The following PPP2R2A variants were observed in gnomAD, a reference collection of about 807,000 sequenced individuals.
The protein encoded by PPP2R2A is serine/threonine-protein phosphatase 2A 55 kDa regulatory subunit B alpha isoform.
A neutral mutation model predicts 53.2 loss-of-function variants in PPP2R2A; 9 were observed. The observed-to-expected ratio is 0.17, with a 90% CI of 0.10 to 0.30. PPP2R2A has a LOEUF of 0.30. Ranked by LOEUF, PPP2R2A falls within the 10% of genes least tolerant of loss-of-function variation. The pLI is 1.00. For missense variants in PPP2R2A, 235 were observed against 534.6 expected, an observed-to-expected ratio of 0.44 and a Z score of 5.53; for synonymous variants, 169 against 174.2, an observed-to-expected ratio of 0.97 and a Z score of 0.23.
At chr8:26,369,660 G>A (rs1805569540) in intron 9 of PPP2R2A, among the ~76,000 whole-genome samples, 1 of 152,194 alleles carries the variant, frequency 6.6e-6, no homozygotes, top group Non-Finnish European at 1.5e-5. Context: ...CCAAAGTGCT[G>A]GGATTACAGG....
At chr8:26,305,927 A>G (rs1801994209) in intron 2 of PPP2R2A, among the ~76,000 whole-genome samples, 1 of 152,168 alleles carries the variant, frequency 6.6e-6, no homozygotes, top group Non-Finnish European at 1.5e-5. Flanking sequence ...CTGCTTTCAA[A>G]TGGTCGTGAG....
intron 9 of PPP2R2A, among the ~76,000 whole-genome samples, chr8:26,366,626 G>A (rs1056674364): frequency 6.6e-6 from 1 of 152,070 alleles, no homozygotes; most frequent in African/African-American, 2.4e-5. Context: ...TAAATGTCTA[G>A]AATTTTTTTT....
chr8:26,314,775 C>G (rs1802457485), intron 2 of PPP2R2A, among the ~76,000 whole-genome samples: 1 of 151,844 alleles, frequency 6.6e-6, no homozygotes, highest in African/African-American at 2.4e-5. Context: ...TCATTGGACC[C>G]TTGCAGCTTG....
rs552941967 is a variant in PPP2R2A, at chr8:26,293,925, C to G, written c.82+185C>G. 7.4e-4 allele frequency: 438 copies of G among 588,884 alleles called. 3 individuals carry two copies. The South Asian group carries it at 9.4e-3, about 13-fold the overall frequency. 36.5% of individuals were successfully genotyped at this position (588,884 alleles called of 1,614,324 possible). A position where few individuals can be genotyped will look rare whatever the true frequency, so the allele number is the denominator to read the frequency against. Reference sequence around the variant, plus strand: ...CTTAAATTTCATTTGTTATTTACGCCTTGTTTTTATTATTTTTTCCTCTGA... The same window carrying G: ...CTTAAATTTCATTTGTTATTTACGCGTTGTTTTTATTATTTTTTCCTCTGA... On this transcript the variant is annotated intron_variant, in intron 2 of 9. Coordinates refer to ENST00000380737, the MANE Select transcript of PPP2R2A (RefSeq NM_002717.4).
At chr8:26,316,873 T>C (rs1802583742) in intron 2 of PPP2R2A, among the ~76,000 whole-genome samples, 1 of 152,200 alleles carries the variant, frequency 6.6e-6, no homozygotes, top group Non-Finnish European at 1.5e-5. Context: ...CATATTAGGT[T>C]TCAACATGTG....
At chr8:26,331,465 G>C (rs1803374188) in intron 2 of PPP2R2A, among the ~76,000 whole-genome samples, 1 of 151,918 alleles carries the variant, frequency 6.6e-6, no homozygotes, top group Non-Finnish European at 1.5e-5. Context: ...CATTTTTATT[G>C]GGTACTTTTT....
At position 26,292,568 on chromosome 8, in the gene PPP2R2A, TAGCAAGG is replaced by T. The variant is rs552024821; in HGVS notation, c.7+745_7+751del. 7.7e-4 allele frequency: 412 copies of T among 537,720 alleles called. 8 individuals are homozygous for T. The South Asian group carries it at 0.031, about 40-fold the overall frequency. 33.3% of individuals were successfully genotyped at this position (537,720 alleles called of 1,614,324 possible). On this transcript the variant is annotated intron_variant, in intron 1 of 9. Transcript: ENST00000380737. ...TAGTTGCGGAGTTCAGAGATATAAA[TAGCAAGG>T]AGGAGAGAGATTTAGGTAGAAGCTT...
At position 26,371,766 on chromosome 8, in the gene PPP2R2A, C is replaced by T. The variant is rs1200025319; in HGVS notation, c.*1353C>T. The T allele has an allele frequency of 6.6e-6, 1 of 152,120 alleles. No homozygotes were observed. The highest frequency in any genetic ancestry group is 1.5e-5 in the Non-Finnish European group (1 of 68,014). 9.4% of individuals were successfully genotyped at this position (152,120 alleles called of 1,614,324 possible). ...GCTTAATGAACTCCAACAGCTGCCT[C>T]AAATAAAAATCTGTATATGAATACA... On this transcript the variant is annotated 3_prime_UTR_variant, in exon 10 of 10. Coordinates refer to ENST00000380737, the MANE Select transcript of PPP2R2A (RefSeq NM_002717.4).
At chr8:26,307,701 T>G (rs1052932350) in intron 2 of PPP2R2A, among the ~76,000 whole-genome samples, 2 of 152,236 alleles carry the variant, frequency 1.3e-5, no homozygotes, top group African/African-American at 2.4e-5. Context: ...TCTGAGAAAT[T>G]TAAAAAATAA....
chr8:26,294,441 A>G (rs1327251768), intron 2 of PPP2R2A, among the ~76,000 whole-genome samples: 1 of 152,190 alleles, frequency 6.6e-6, no homozygotes, highest in African/African-American at 2.4e-5. Flanking sequence ...TTAAGTTTTG[A>G]AACTTCAAGG....
At chr8:26,316,932 A>G (rs992847054) in intron 2 of PPP2R2A, among the ~76,000 whole-genome samples, 1 of 152,248 alleles carries the variant, frequency 6.6e-6, no homozygotes. Flanking sequence ...AAAGTAGAAC[A>G]TAAGATTATA....
At chr8:26,300,218 T>G (rs1397658683) in intron 2 of PPP2R2A, among the ~76,000 whole-genome samples, 2 of 152,216 alleles carry the variant, frequency 1.3e-5, no homozygotes, top group African/African-American at 4.8e-5. Flanking sequence ...TAGGTGTTTC[T>G]TAGTACTCTG....
At chr8:26,291,929 C>G in intron 1 of PPP2R2A, 103 bp downstream of exon 1, 1 of 1,467,486 alleles carries the variant, frequency 6.8e-7, no homozygotes, top group South Asian at 1.3e-5. Flanking sequence ...AGCCACAGGG[C>G]GCCCCTCGGG....
At chr8:26,341,886 C>G (rs1460026323) in intron 3 of PPP2R2A, among the ~76,000 whole-genome samples, 1 of 152,114 alleles carries the variant, frequency 6.6e-6, no homozygotes, top group Non-Finnish European at 1.5e-5. Context: ...ATCTGTAACC[C>G]CTCATTGTCT....
intron 2 of PPP2R2A, among the ~76,000 whole-genome samples, chr8:26,316,750 A>G (rs1436700670): frequency 6.6e-6 from 1 of 152,182 alleles, no homozygotes; most frequent in Non-Finnish European, 1.5e-5. Context: ...GACATGATAG[A>G]AGGGACAAGG....
intron 3 of PPP2R2A, among the ~76,000 whole-genome samples, chr8:26,350,138 C>T (rs1186081353): frequency 1.3e-5 from 2 of 152,148 alleles, no homozygotes; most frequent in Admixed American, 6.5e-5. Flanking sequence ...GTGATCTTCG[C>T]TCACTGCAAC....
intron 2 of PPP2R2A, chr8:26,333,515 G>C: frequency 8.2e-7 from 1 of 1,226,506 alleles, no homozygotes; most frequent in South Asian, 1.4e-5. Context: ...GTCCTCAAGT[G>C]GAATTATGAA....
At chr8:26,324,585 C>T (rs749562193) in intron 2 of PPP2R2A, among the ~76,000 whole-genome samples, 6 of 152,150 alleles carry the variant, frequency 3.9e-5, no homozygotes, top group East Asian at 1.9e-4. Flanking sequence ...TAGGACAGTG[C>T]GGAAGGGAAA....
At chr8:26,341,116 A>G (rs572367413) in intron 3 of PPP2R2A, among the ~76,000 whole-genome samples, 1 of 152,100 alleles carries the variant, frequency 6.6e-6, no homozygotes, top group Non-Finnish European at 1.5e-5. Context: ...ACTCAGTAAC[A>G]TGTCTTTTGA....
Sources: gnomAD v4.1 joint callset for allele counts (sites outside exome capture counted in the v4.1 genomes callset) on GRCh38, gnomAD v4.1.1 for gene constraint, MANE v1.5 for transcripts, NCBI Gene and HGNC (gene_info 2026-07-23, HGNC 2026-07-21) for gene names.